Variants in PPP2R2B observed in about 807,000 individuals in gnomAD.
PPP2R2B encodes protein phosphatase 2 regulatory subunit Bbeta.
PPP2R2B carries 5 observed loss-of-function variants against 46.0 expected under a neutral mutation model. That is an observed-to-expected ratio of 0.11 (90% confidence interval 0.06 to 0.23). The LOEUF (loss-of-function observed/expected upper bound fraction) is 0.23. Ranked by LOEUF, PPP2R2B falls within the 10% of genes least tolerant of loss-of-function variation. PPP2R2B has a pLI of 1.00. For missense variants in PPP2R2B, 367 were observed against 575.0 expected, an observed-to-expected ratio of 0.64 and a Z score of 3.70; for synonymous variants, 215 against 206.7, an observed-to-expected ratio of 1.04 and a Z score of -0.34.
chr5:146,750,513 C>T (rs938148599), intron 2 of PPP2R2B, among the ~76,000 whole-genome samples: 6 of 152,176 alleles, frequency 3.9e-5, no homozygotes, highest in Admixed American at 3.3e-4. Flanking sequence ...GGTTTAAGAA[C>T]ATGCAGGCTT....
chr5:146,778,871 C>A (rs971896074), intron 2 of PPP2R2B, among the ~76,000 whole-genome samples: 1 of 152,172 alleles, frequency 6.6e-6, no homozygotes, highest in African/African-American at 2.4e-5. Context: ...GCTTAAATCC[C>A]CATTAGTGGG....
chr5:147,035,120 TA>T (rs1755971220), intron 1 of PPP2R2B: 1 of 455,860 alleles, frequency 2.2e-6, no homozygotes. Flanking sequence ...ATTGTATAAA[TA>T]ACTGCCTGAG....
intron 1 of PPP2R2B, among the ~76,000 whole-genome samples, chr5:147,053,214 T>TA (rs746583520): frequency 0.011 from 909 of 80,970 alleles, 39 homozygotes; most frequent in Admixed American, 0.09. Flanking sequence ...CTTCCTGCAT[T>TA]AAAAAAAAAA....
intron 2 of PPP2R2B, among the ~76,000 whole-genome samples, chr5:147,077,308 ACACCCACACC>A (rs1490926802): frequency 1.0e-4 from 13 of 128,874 alleles, no homozygotes; most frequent in African/African-American, 4.1e-4. Flanking sequence ...ACACACACAC[ACACCCACACC>A]CACACCCCTA....
rs149529300 is a variant in PPP2R2B at position 146,918,694 on chromosome 5, G to T, written c.79+136971C>A. On this transcript the variant is annotated intron_variant, in intron 1 of 8. Coordinates refer to the PPP2R2B transcript ENST00000336640. ...CATCTATACTTTTGGTTCTTCCTGT[G>T]TTTATACTTTGTCTTGCCAATAGGC... Among the ~76,000 whole-genome samples the T allele has an allele frequency of 4.9e-3, 739 of 152,152 alleles. 13 individuals are homozygous for T. Among genetic ancestry groups the T allele is most frequent in the African/African-American group, 0.017 (705 of 41,500 alleles).
chr5:146,897,108 T>G (rs901319518), intron 1 of PPP2R2B, among the ~76,000 whole-genome samples: 2 of 151,826 alleles, frequency 1.3e-5, no homozygotes, highest in Admixed American at 6.6e-5. Context: ...ATAAAGAGGG[T>G]CATTAAGTGA....
At chr5:146,748,215 G>A (rs1349636464) in intron 2 of PPP2R2B, among the ~76,000 whole-genome samples, 1 of 152,082 alleles carries the variant, frequency 6.6e-6, no homozygotes, top group African/African-American at 2.4e-5. Flanking sequence ...GGCGTAGCAG[G>A]AATTTAAACC....
intron 2 of PPP2R2B, among the ~76,000 whole-genome samples, chr5:146,713,413 C>T (rs1383450235): frequency 6.6e-6 from 1 of 152,116 alleles, no homozygotes; most frequent in South Asian, 2.1e-4. Context: ...TATTTGATGC[C>T]ACCAAACTGT....
At chr5:146,601,628 C>G (rs1193759663) in intron 7 of PPP2R2B, among the ~76,000 whole-genome samples, 1 of 152,200 alleles carries the variant, frequency 6.6e-6, no homozygotes, top group African/African-American at 2.4e-5. Context: ...GTTGTGTGAC[C>G]TTAGGCAAGA....
At chr5:146,856,826 G>A (rs1456719142) in intron 2 of PPP2R2B, among the ~76,000 whole-genome samples, 1 of 152,292 alleles carries the variant, frequency 6.6e-6, no homozygotes, top group East Asian at 1.9e-4. Context: ...CAGACAGAGA[G>A]CCACGGTCTC....
intron 1 of PPP2R2B, among the ~76,000 whole-genome samples, chr5:147,019,424 T>C (rs1204408921): frequency 1.3e-5 from 2 of 152,108 alleles, no homozygotes; most frequent in Admixed American, 6.6e-5. Context: ...GTACCAAAAA[T>C]ATGTTTGGAG....
At chr5:147,040,986 T>G (rs1234464001) in intron 1 of PPP2R2B, among the ~76,000 whole-genome samples, 1 of 152,120 alleles carries the variant, frequency 6.6e-6, no homozygotes, top group African/African-American at 2.4e-5. Flanking sequence ...TTCACAGAGT[T>G]ACTACTCAGG....
chr5:146,654,634 T>C, intron 5 of PPP2R2B, among the ~76,000 whole-genome samples: 1 of 152,170 alleles, frequency 6.6e-6, no homozygotes, highest in East Asian at 1.9e-4. Flanking sequence ...ATTATATGCT[T>C]GCATCCTCAA....
At chr5:146,997,444 C>A (rs1753974757) in intron 1 of PPP2R2B, among the ~76,000 whole-genome samples, 1 of 152,150 alleles carries the variant, frequency 6.6e-6, no homozygotes, top group African/African-American at 2.4e-5. Flanking sequence ...ACTGAGCAAG[C>A]ACAGCACCCA....
chr5:146,852,180 T>C (rs1760390021), intron 2 of PPP2R2B, among the ~76,000 whole-genome samples: 1 of 152,040 alleles, frequency 6.6e-6, no homozygotes, highest in South Asian at 2.1e-4. Context: ...TGCAGGCTTA[T>C]GAGGGGACAG....
chr5:147,012,483 G>C (rs892298584), intron 1 of PPP2R2B, among the ~76,000 whole-genome samples: 2 of 151,766 alleles, frequency 1.3e-5, no homozygotes, highest in Non-Finnish European at 2.9e-5. Flanking sequence ...TTCTTTATTA[G>C]TCTTGCTAGT....
chr5:146,908,525 ATTT>A (rs60166631), intron 1 of PPP2R2B, among the ~76,000 whole-genome samples: 2 of 143,104 alleles, frequency 1.4e-5, no homozygotes, highest in African/African-American at 2.6e-5. Context: ...AAATTGTTAG[ATTT>A]TTTTTTTTTT....
rs542545302 is a variant in PPP2R2B at position 147,074,394 on chromosome 5, A to G, written c.50+6665T>C. On this transcript the variant is annotated intron_variant, in intron 2 of 10. Coordinates refer to the PPP2R2B transcript ENST00000394413. ...GCCAGCCCTTCACCCTGTATTCAGG[A>G]GCGGGAAGAGCAAGGCAAGTAGGGC... 5.9e-5 allele frequency among the ~76,000 whole-genome samples: 9 copies of G among 152,284 alleles called. No homozygotes were observed. In the South Asian group the frequency reaches 1.7e-3, roughly 28 times the overall value.
chr5:147,006,779 GTTGTT>G (rs1307080757), intron 1 of PPP2R2B, among the ~76,000 whole-genome samples: 2 of 152,086 alleles, frequency 1.3e-5, no homozygotes, highest in Non-Finnish European at 2.9e-5. Context: ...GGGGAAGAGT[GTTGTT>G]TTTACACAAC....
Sources: allele counts gnomAD v4.1 joint callset (sites outside exome capture counted in the v4.1 genomes callset), GRCh38; gene constraint gnomAD v4.1.1; transcripts MANE v1.5; gene names NCBI Gene and HGNC (gene_info 2026-07-23, HGNC 2026-07-21).